Variants in RFX2 observed in about 807,000 individuals in gnomAD.
RFX2 encodes regulatory factor X2.
In RFX2, 20 loss-of-function variants were observed where a neutral mutation model predicts 87.8. That is an observed-to-expected ratio of 0.23 (90% CI 0.16 to 0.33). RFX2 has a LOEUF of 0.33. Among genes scored for constraint, RFX2 ranks in the 10% least tolerant of loss-of-function variants. The probability of loss-of-function intolerance (pLI) is 1.00; values close to 1 mark genes in which losing one functional copy is unlikely to be tolerated. For synonymous variants in RFX2, 397 were observed against 431.3 expected, an observed-to-expected ratio of 0.92 and a Z score of 0.98; for missense variants, 767 against 1,012.3, an observed-to-expected ratio of 0.76 and a Z score of 3.29.
chr19:6,001,728 C>T lies in RFX2; in HGVS notation c.1859+87G>A. On this transcript the variant is annotated intron_variant, in intron 15 of 17. Transcript: ENST00000303657. The surrounding 1 kb of genome is among the most constrained non-coding windows in gnomAD (Gnocchi z 5.6). ...CTGCTGAGCCCTGTTTTGCTCTGAG[C>T]TCACCAGCCGAGCCCCCTACCCTCT... The T allele has an allele frequency of 8.3e-7, 1 of 1,201,086 alleles. No homozygotes were observed. The allele number at this position is 1,201,086 out of a possible 1,614,324, so 74.4% of individuals were successfully genotyped here.
At position 6,007,896 on chromosome 19, in the gene RFX2, G is replaced by T; in HGVS notation, c.1135-94C>A. On this transcript the variant is annotated intron_variant, in intron 10 of 17. Transcript: ENST00000303657. The surrounding 1 kb of genome is among the most constrained non-coding windows in gnomAD (Gnocchi z 8.2). ...GTGAGCAGCCGTGATCCGGGCTACA[G>T]CGGGGTGCCCTGGAATCCCAAGGGA... 1 of 976,614 alleles carries T rather than the reference G, an allele frequency of 1.0e-6. No homozygotes were observed. Among genetic ancestry groups the T allele is most frequent in the Non-Finnish European group, 1.6e-6 (1 of 629,162 alleles). 60.5% of individuals were successfully genotyped at this position (976,614 alleles called of 1,614,324 possible). A position where few individuals can be genotyped will look rare whatever the true frequency, so the allele number is the denominator to read the frequency against.
intron 1 of RFX2, among the ~76,000 whole-genome samples, chr19:6,085,135 T>C (rs575165054): frequency 1.3e-5 from 2 of 152,324 alleles, no homozygotes; most frequent in South Asian, 2.1e-4. Flanking sequence ...ATTTTAGCTA[T>C]TGTAAATCAT....
chr19:6,062,259 G>A (rs1022343688), intron 1 of RFX2, among the ~76,000 whole-genome samples: 2 of 152,170 alleles, frequency 1.3e-5, no homozygotes, highest in East Asian at 1.9e-4. Flanking sequence ...CAACAGCAGC[G>A]GCAGTAGCTG....
rs1412038715 is a variant in RFX2, at chr19:6,074,354, C to T, written c.-8-26850G>A. 1.3e-5 allele frequency among the ~76,000 whole-genome samples: 2 copies of T among 152,196 alleles called. No individual in the cohort carries two copies. Among genetic ancestry groups the T allele is most frequent in the African/African-American group, 4.8e-5 (2 of 41,462 alleles). Reference sequence around the variant, plus strand: ...CAAGTCAACGAGAAGAGAAGGTGGGCTAGAACCTTTCCACCTTCCTCTTAG... The same window carrying T: ...CAAGTCAACGAGAAGAGAAGGTGGGTTAGAACCTTTCCACCTTCCTCTTAG... On this transcript the variant is annotated intron_variant, in intron 1 of 17. Coordinates refer to ENST00000303657, the MANE Select transcript of RFX2 (RefSeq NM_000635.4). The surrounding 1 kb of genome is among the most constrained non-coding windows in gnomAD (Gnocchi z 5.2).
Position 5,994,862 on chromosome 19 carries a change from G to A in RFX2, c.2145C>T (p.Asp715=). ...GEPLVKRERS[D]PNHSLQGI Reference sequence around the variant, plus strand: ...AGATGCCCTGCAGGGAGTGGTTGGGGTCACTGCGCTCCCGCTTTACCAGGG... The same window carrying A: ...AGATGCCCTGCAGGGAGTGGTTGGGATCACTGCGCTCCCGCTTTACCAGGG... The change falls in exon 18 of 18, where the codon GAC becomes GAT. Residue 715 remains aspartate (D), a synonymous_variant. Transcript: ENST00000303657. The A allele has an allele frequency of 6.2e-7, 1 of 1,610,346 alleles. No individual in the cohort carries two copies. The highest frequency in any genetic ancestry group is 1.7e-5 in the Admixed American group (1 of 60,016).
In RFX2 at chr19:6,023,707, G is replaced by A. The variant is rs1218865183; in HGVS notation, c.597+2456C>T. ...AGCGACCTGAGAAAGTCTGCCTTTCGGATGAAGTGTTAGAAAGCAGGAAGG... is the reference window on the plus strand; with the variant it reads ...AGCGACCTGAGAAAGTCTGCCTTTCAGATGAAGTGTTAGAAAGCAGGAAGG... On this transcript the variant is annotated intron_variant, in intron 6 of 17. Coordinates refer to ENST00000303657, the MANE Select transcript of RFX2 (RefSeq NM_000635.4). This position sits in a 1 kb window ranked among gnomAD's most constrained non-coding sequence, Gnocchi z 4.9. 1.3e-5 allele frequency among the ~76,000 whole-genome samples: 2 copies of A among 152,140 alleles called. No homozygotes were observed. Among genetic ancestry groups the A allele is most frequent in the Non-Finnish European group, 2.9e-5 (2 of 68,022 alleles).
intron 5 of RFX2, among the ~76,000 whole-genome samples, chr19:6,033,528 C>G (rs1266212118): frequency 6.8e-6 from 1 of 147,104 alleles, no homozygotes; most frequent in Non-Finnish European, 1.5e-5. Context: ...AATCTTGTCA[C>G]TACAGGCAAA....
intron 5 of RFX2, among the ~76,000 whole-genome samples, chr19:6,028,490 A>G (rs758833326): frequency 6.6e-6 from 1 of 152,240 alleles, no homozygotes; most frequent in Non-Finnish European, 1.5e-5. Flanking sequence ...GTTAGCTGCA[A>G]TGTGGAATCT....
chr19:6,008,112 G>A lies in RFX2; in HGVS notation c.1128C>T (p.His376=). 1 of 1,550,580 alleles carries A rather than the reference G, an allele frequency of 6.4e-7. No individual in the cohort carries two copies. Among genetic ancestry groups the A allele is most frequent in the Non-Finnish European group, 8.7e-7 (1 of 1,146,360 alleles). ...VKALQLVYRR[H]CEATVDVVMN... is the part of the protein sequence containing the mutation. Reference sequence around the variant, plus strand: ...CCTGGGCTGGGGCGGTCACCTCGCAGTGCCGTCTGTACACCAGCTGCAGGG... The same window carrying A: ...CCTGGGCTGGGGCGGTCACCTCGCAATGCCGTCTGTACACCAGCTGCAGGG... Residue 376 remains histidine (H), a synonymous_variant, in exon 10 of 18, where the codon CAC becomes CAT. Coordinates refer to ENST00000303657, the MANE Select transcript of RFX2 (RefSeq NM_000635.4).
rs776717572 is a variant in RFX2, at chr19:6,016,047, A to G, written c.779+43T>C. Reference sequence around the variant, plus strand: ...TTTCCCAAAAGCTCCATTTCTTGGGAAAGGAAGAGGAAGAACAGGTGGGCT... The same window carrying G: ...TTTCCCAAAAGCTCCATTTCTTGGGGAAGGAAGAGGAAGAACAGGTGGGCT... On this transcript the variant is annotated intron_variant, in intron 7 of 17. Coordinates refer to ENST00000303657, the MANE Select transcript of RFX2 (RefSeq NM_000635.4). This position sits in a 1 kb window ranked among gnomAD's most constrained non-coding sequence, Gnocchi z 5.4. The G allele has an allele frequency of 2.0e-6, 3 of 1,522,780 alleles. No individual in the cohort carries two copies. The African/African-American group carries it at 4.2e-5, about 21-fold the overall frequency. 94.3% of individuals were successfully genotyped at this position (1,522,780 alleles called of 1,614,324 possible).
At chr19:6,093,890 C>T (rs929029188) in intron 1 of RFX2, among the ~76,000 whole-genome samples, 1 of 152,120 alleles carries the variant, frequency 6.6e-6, no homozygotes, top group Admixed American at 6.6e-5. Flanking sequence ...CCAGAACAGG[C>T]AAATCCACAA....
chr19:5,997,242 C>T lies in RFX2; in HGVS notation c.1860-29G>A. On this transcript the variant is annotated intron_variant, in intron 15 of 17. Coordinates refer to ENST00000303657, the MANE Select transcript of RFX2 (RefSeq NM_000635.4). The surrounding 1 kb of genome is among the most constrained non-coding windows in gnomAD (Gnocchi z 4.2). ...GGGACAAGCGGACAGAGGCTGGGGA[C>T]CCTCAGGGGAGCATGGAACCCGGGC... is the stretch of plus-strand genomic sequence containing the variant. 6.3e-7 allele frequency: 1 copy of T among 1,594,234 alleles called. No individual in the cohort carries two copies. The highest frequency in any genetic ancestry group is 8.5e-7 in the Non-Finnish European group (1 of 1,173,304).
intron 1 of RFX2, among the ~76,000 whole-genome samples, chr19:6,073,728 A>G (rs910389580): frequency 2.0e-5 from 3 of 152,210 alleles, no homozygotes; most frequent in Non-Finnish European, 4.4e-5. Flanking sequence ...ACACAGTTGC[A>G]TTTCTGTGTA....
At chr19:6,058,839 G>C (rs1256465617) in intron 1 of RFX2, among the ~76,000 whole-genome samples, 1 of 152,158 alleles carries the variant, frequency 6.6e-6, no homozygotes, top group African/African-American at 2.4e-5. Context: ...AGGGGGATGG[G>C]GGAGTGCAGA....
Position 6,101,705 on chromosome 19 carries a change from G to A in RFX2, c.-9+8688C>T, listed in dbSNP as rs2088129838. On this transcript the variant is annotated intron_variant, in intron 1 of 17. Transcript: ENST00000303657. This position sits in a 1 kb window ranked among gnomAD's most constrained non-coding sequence, Gnocchi z 4.9. ...TGGGGACCCAATCCTTTTTCACATG[G>A]GACTTGGGCAAGTCTAATCTTTCTG... 6.6e-6 allele frequency among the ~76,000 whole-genome samples: 1 copy of A among 152,154 alleles called. No homozygotes were observed. Among genetic ancestry groups the A allele is most frequent in the African/African-American group, 2.4e-5 (1 of 41,426 alleles).
At chr19:6,102,140 CCT>C in intron 1 of RFX2, among the ~76,000 whole-genome samples, 1 of 152,232 alleles carries the variant, frequency 6.6e-6, no homozygotes, top group East Asian at 1.9e-4. Flanking sequence ...TGGCCACACC[CCT>C]CTCCCCCATC....
Position 6,020,709 on chromosome 19 carries a change from A to C in RFX2, c.598-4438T>G, listed in dbSNP as rs1239434818. Among the ~76,000 whole-genome samples the C allele has an allele frequency of 6.6e-6, 1 of 152,168 alleles. No homozygotes were observed. Among genetic ancestry groups the C allele is most frequent in the East Asian group, 1.9e-4 (1 of 5,200 alleles). ...TGCTCTTGAGGGCTCGGGTACCTTC[A>C]TGCCAGGAAAGGCAGCAGCTGGACG... On this transcript the variant is annotated intron_variant, in intron 6 of 17. Transcript: ENST00000303657. The surrounding 1 kb of genome is among the most constrained non-coding windows in gnomAD (Gnocchi z 5.3).
chr19:6,000,987 C>A (rs1230903519), intron 15 of RFX2, among the ~76,000 whole-genome samples: 2 of 152,216 alleles, frequency 1.3e-5, no homozygotes, highest in African/African-American at 4.8e-5. Context: ...CTGCAGGAGG[C>A]ATCTTGGTGC....
intron 1 of RFX2, among the ~76,000 whole-genome samples, chr19:6,096,566 C>A (rs1267475925): frequency 6.6e-6 from 1 of 152,146 alleles, no homozygotes; most frequent in Non-Finnish European, 1.5e-5. Flanking sequence ...CCTGCCTCAG[C>A]CTCCCGAGTA....
Sources: allele counts gnomAD v4.1 joint callset (sites outside exome capture counted in the v4.1 genomes callset), GRCh38; gene constraint gnomAD v4.1.1; non-coding constraint Gnocchi (gnomAD v3.1); transcripts MANE v1.5; gene names NCBI Gene and HGNC (gene_info 2026-07-23, HGNC 2026-07-21).